Variants in CDC20B observed in about 807,000 individuals in gnomAD.
The protein encoded by CDC20B is cell division cycle protein 20 homolog B.
CDC20B carries 58 observed loss-of-function variants against 64.1 expected under a neutral mutation model. The ratio of observed to expected loss-of-function variants is 0.90; its 90% CI spans 0.73 to 1.13. The LOEUF is 1.13. Ranked by LOEUF, CDC20B falls within the 50% of genes most tolerant of loss-of-function variation. The probability of loss-of-function intolerance (pLI) is 0.00; values close to 1 mark genes in which losing one functional copy is unlikely to be tolerated. For missense variants in CDC20B, 597 were observed against 633.0 expected (o/e 0.94, Z 0.61); for synonymous variants, 243 against 230.6 (o/e 1.05, Z -0.49).
Position 55,146,807 on chromosome 5 carries a change from G to T in CDC20B, c.176C>A (p.Ala59Glu). The stretch of plus-strand genomic sequence containing the variant: ...AGGAACCTCTGCGGACAGCCTCTTC[G>T]CAAAGTTGCTCTTAAAGTCAGAATA... ...ATYSDFKSNFAKRLSAEVPVA... is the reference protein window; with the variant it reads ...ATYSDFKSNFEKRLSAEVPVA... The change falls in exon 3 of 12, where the codon GCG becomes GAG. Residue 59 changes from alanine to glutamate, a missense_variant. Around this residue, in one of 3 missense-constraint regions of CDC20B, gnomAD observed 241 missense variants for 219.2 expected, o/e 1.10. Transcript: ENST00000381375. 6.2e-7 allele frequency: 1 copy of T among 1,614,084 alleles called. No individual in the cohort carries two copies. The highest frequency in any genetic ancestry group is 8.5e-7 in the Non-Finnish European group (1 of 1,180,004).
chr5:55,128,319 C>A, intron 7 of CDC20B, 102 bp downstream of exon 7: 1 of 867,078 alleles, frequency 1.2e-6, no homozygotes, highest in Non-Finnish European at 1.7e-6. Flanking sequence ...CTTCAAGAGC[C>A]ACACCTAGTT....
chr5:55,172,284 A>T, intron 2 of CDC20B: 1 of 306,262 alleles, frequency 3.3e-6, no homozygotes, highest in Non-Finnish European at 6.2e-6. Flanking sequence ...AACAGAGAGG[A>T]GTGCAACTAG....
chr5:55,171,501 A>G (rs1744598223), intron 2 of CDC20B, among the ~76,000 whole-genome samples: 1 of 152,228 alleles, frequency 6.6e-6, no homozygotes, highest in Admixed American at 6.5e-5. Context: ...AAGAAATGTA[A>G]GGGCTTAAAT....
intron 2 of CDC20B, among the ~76,000 whole-genome samples, chr5:55,153,582 C>A (rs1743732473): frequency 6.7e-6 from 1 of 148,184 alleles, no homozygotes. Flanking sequence ...TCAGCAGATC[C>A]ACGTTAGCCT....
chr5:55,168,313 A>C (rs1280590039), intron 2 of CDC20B, among the ~76,000 whole-genome samples: 1 of 151,998 alleles, frequency 6.6e-6, no homozygotes, highest in Non-Finnish European at 1.5e-5. Flanking sequence ...CATTCCCAGC[A>C]CCAGTGAACA....
chr5:55,115,613 G>A (rs1194422977), intron 11 of CDC20B, among the ~76,000 whole-genome samples: 1 of 152,204 alleles, frequency 6.6e-6, no homozygotes, highest in Non-Finnish European at 1.5e-5. Context: ...AAGGAGGTCA[G>A]ATATGGTTTT....
intron 2 of CDC20B, among the ~76,000 whole-genome samples, chr5:55,147,608 TTA>T (rs1340745114): frequency 6.6e-6 from 1 of 150,984 alleles, no homozygotes; most frequent in Non-Finnish European, 1.5e-5. Context: ...GTGAAATATA[TTA>T]TTTTATATGT....
intron 5 of CDC20B, among the ~76,000 whole-genome samples, chr5:55,138,222 G>A (rs905788848): frequency 1.9e-4 from 29 of 150,438 alleles, no homozygotes; most frequent in African/African-American, 4.9e-4. Context: ...GTGCAGTGGC[G>A]TGATTTCGGC....
chr5:55,134,172 T>G (rs1046698564), intron 5 of CDC20B, among the ~76,000 whole-genome samples: 16 of 152,210 alleles, frequency 1.1e-4, no homozygotes, highest in African/African-American at 3.9e-4. Flanking sequence ...CACAGGCCGC[T>G]GTCTTTTCAT....
chr5:55,155,219 G>A (rs147852565), intron 2 of CDC20B, among the ~76,000 whole-genome samples: 1 of 152,190 alleles, frequency 6.6e-6, no homozygotes. Context: ...CAGAGCACCA[G>A]TGCCAAAAAT....
rs1479276765 is a variant in CDC20B at position 55,137,938 on chromosome 5, AG to A, written c.580+2375del. On this transcript the variant is annotated intron_variant, in intron 5 of 11. Coordinates refer to ENST00000381375, the MANE Select transcript of CDC20B (RefSeq NM_001170402.1). Reference sequence around the variant, plus strand: ...CTGATTTGCCTTGCAAAATCCCACAAGGGCTCCGAGGCACAGAGAAGACTGA... The same window carrying A: ...CTGATTTGCCTTGCAAAATCCCACAAGGCTCCGAGGCACAGAGAAGACTGA... Among the ~76,000 whole-genome samples the A allele has an allele frequency of 7.2e-5, 11 of 152,260 alleles. No individual in the cohort carries two copies. In the East Asian group the frequency reaches 2.1e-3, roughly 29 times the overall value.
intron 3 of CDC20B, among the ~76,000 whole-genome samples, chr5:55,144,747 A>G (rs1373666347): frequency 6.6e-6 from 1 of 152,224 alleles, no homozygotes; most frequent in African/African-American, 2.4e-5. Context: ...AGAGGCTAGT[A>G]CTGACAATCA....
At chr5:55,121,468 G>A (rs186070571) in intron 9 of CDC20B, among the ~76,000 whole-genome samples, 3 of 152,156 alleles carry the variant, frequency 2.0e-5, no homozygotes, top group African/African-American at 7.2e-5. Context: ...TTGTATTGTG[G>A]TTTGATTTGT....
At chr5:55,132,051 T>C (rs1743045839) in intron 6 of CDC20B, among the ~76,000 whole-genome samples, 1 of 151,780 alleles carries the variant, frequency 6.6e-6, no homozygotes, top group African/African-American at 2.4e-5. Flanking sequence ...AAAGCAAGAC[T>C]CTGTTTAAAA....
At position 55,114,323 on chromosome 5, in the gene CDC20B, G is replaced by A; in HGVS notation, c.1460-5C>T. Reference sequence around the variant, plus strand: ...GCAGCACTCTGCCCCTGTGGCCTGGGGGAAGAAGGAAAGACAGTTCATACT... The same window carrying A: ...GCAGCACTCTGCCCCTGTGGCCTGGAGGAAGAAGGAAAGACAGTTCATACT... On this transcript the variant is annotated splice_polypyrimidine_tract_variant and splice_region_variant and intron_variant, in intron 11 of 11. Coordinates refer to ENST00000381375, the MANE Select transcript of CDC20B (RefSeq NM_001170402.1). The surrounding 1 kb of genome is among the most constrained non-coding windows in gnomAD (Gnocchi z 4.1). 1.9e-6 allele frequency: 3 copies of A among 1,613,300 alleles called. No homozygotes were observed. Among genetic ancestry groups the A allele is most frequent in the Non-Finnish European group, 2.5e-6 (3 of 1,179,572 alleles).
chr5:55,149,184 G>A (rs190989580), intron 2 of CDC20B, among the ~76,000 whole-genome samples: 12 of 152,316 alleles, frequency 7.9e-5, no homozygotes, highest in Non-Finnish European at 1.5e-4. Context: ...TCACACCCAC[G>A]AGGATGGCTA....
intron 6 of CDC20B, among the ~76,000 whole-genome samples, chr5:55,132,237 C>T (rs1422567996): frequency 1.3e-5 from 2 of 152,088 alleles, no homozygotes; most frequent in African/African-American, 4.8e-5. Flanking sequence ...GAACTGTTCC[C>T]TTCAGGGATT....
intron 6 of CDC20B, among the ~76,000 whole-genome samples, chr5:55,132,582 C>T (rs983052216): frequency 6.6e-6 from 1 of 152,170 alleles, no homozygotes; most frequent in Non-Finnish European, 1.5e-5. Context: ...CATTTCTCAT[C>T]CCATTTCTTT....
chr5:55,164,016 T>A (rs1404262390), intron 2 of CDC20B: 15 of 1,436,070 alleles, frequency 1.0e-5, no homozygotes, highest in Admixed American at 2.2e-5. Flanking sequence ...TGACAAAGAA[T>A]AAAATTATGC....
Sources: gnomAD v4.1 joint callset for allele counts (sites outside exome capture counted in the v4.1 genomes callset) on GRCh38, gnomAD v4.1.1 for gene constraint, gnomAD v4.1.1 regional missense constraint, Gnocchi (gnomAD v3.1) non-coding constraint, MANE v1.5 for transcripts, NCBI Gene and HGNC (gene_info 2026-07-23, HGNC 2026-07-21) for gene names.